The following SNX18 variants were observed in gnomAD, a reference collection of about 807,000 sequenced individuals.
The protein encoded by SNX18 is sorting nexin-18.
SNX18 carries 35 observed loss-of-function variants against 48.7 expected under a neutral mutation model. The ratio of observed to expected loss-of-function variants is 0.72; its 90% CI spans 0.55 to 0.95. The LOEUF (loss-of-function observed/expected upper bound fraction) is 0.95. Among genes scored for constraint, SNX18 ranks in the 40% least tolerant of loss-of-function variants. SNX18 has a pLI of 0.00. For missense variants in SNX18, 824 were observed against 871.0 expected, an observed-to-expected ratio of 0.95 and a Z score of 0.68; for synonymous variants, 492 against 384.7, an observed-to-expected ratio of 1.28 and a Z score of -3.26.
chr5:54,532,124 A>C (rs1762261397), intron 1 of SNX18, among the ~76,000 whole-genome samples: 1 of 151,990 alleles, frequency 6.6e-6, no homozygotes, highest in South Asian at 2.1e-4. Flanking sequence ...GTTTAGATTT[A>C]TTTTAGCAGC....
In SNX18 at chr5:54,519,417, C is replaced by T. The variant is rs781452883; in HGVS notation, c.1465C>T (p.Leu489=). 9 of 1,612,750 alleles carry T rather than the reference C, an allele frequency of 5.6e-6. No individual in the cohort carries two copies. Among genetic ancestry groups the T allele is most frequent in the Non-Finnish European group, 7.6e-6 (9 of 1,179,688 alleles). The change falls in exon 1 of 2, where the codon CTG becomes TTG. Residue 489 remains leucine (L), a synonymous_variant. Coordinates refer to ENST00000381410, the MANE Select transcript of SNX18 (RefSeq NM_001102575.2). ...GGACCAGCAGGCCTTCTCGGTGGGC[C>T]TGAACCAGGCTATCGCCTTCACCGG... is the stretch of plus-strand genomic sequence containing the variant. ...ELDQQAFSVG[L]NQAIAFTGDA... is the part of the protein sequence containing the mutation.
At chr5:54,604,732 C>T in the SNX18 span, among the ~76,000 whole-genome samples, 86 of 151,948 alleles carry the variant, frequency 5.7e-4, no homozygotes, top group Non-Finnish European at 1.1e-3. Flanking sequence ...TTAATGTCAC[C>T]GAATTGTATA....
the SNX18 span, among the ~76,000 whole-genome samples, chr5:54,596,189 G>T: frequency 6.6e-6 from 1 of 152,016 alleles, no homozygotes; most frequent in Non-Finnish European, 1.5e-5. Context: ...AAATATCTGT[G>T]ACAAAGCGGA....
At chr5:54,522,761 A>G (rs1208620095) in intron 1 of SNX18, among the ~76,000 whole-genome samples, 2 of 152,158 alleles carry the variant, frequency 1.3e-5, no homozygotes, top group African/African-American at 4.8e-5. Flanking sequence ...GAGGGTGGAA[A>G]ACTCAAATAC....
the SNX18 span, among the ~76,000 whole-genome samples, chr5:54,598,039 T>A: frequency 6.6e-6 from 1 of 151,780 alleles, no homozygotes; most frequent in Non-Finnish European, 1.5e-5. Context: ...ATAGACACAA[T>A]AAAAAATGAT....
the SNX18 span, among the ~76,000 whole-genome samples, chr5:54,639,493 A>G: frequency 1.3e-5 from 2 of 152,242 alleles, no homozygotes; most frequent in Admixed American, 1.3e-4. Flanking sequence ...AATATTATCT[A>G]ATATTTATTG....
the SNX18 span, among the ~76,000 whole-genome samples, chr5:54,557,545 C>G: frequency 6.6e-6 from 1 of 152,226 alleles, no homozygotes; most frequent in African/African-American, 2.4e-5. Flanking sequence ...TGTTTGATTC[C>G]ACTTATATGA....
At chr5:54,629,466 G>A in the SNX18 span, among the ~76,000 whole-genome samples, 5 of 152,340 alleles carry the variant, frequency 3.3e-5, no homozygotes, top group African/African-American at 7.2e-5. Flanking sequence ...ATGCCTCACT[G>A]TAGAAGCGTT....
At chr5:54,602,586 G>C in the SNX18 span, among the ~76,000 whole-genome samples, 1 of 152,146 alleles carries the variant, frequency 6.6e-6, no homozygotes, top group Admixed American at 6.5e-5. Context: ...GGGGCATAAG[G>C]CAGAAGGAGA....
chr5:54,560,874 G>A, the SNX18 span, among the ~76,000 whole-genome samples: 1 of 152,122 alleles, frequency 6.6e-6, no homozygotes, highest in Admixed American at 6.5e-5. Context: ...AGCCCTACAA[G>A]GAGAGAGAGT....
chr5:54,626,066 TA>T, the SNX18 span, among the ~76,000 whole-genome samples: 1 of 152,214 alleles, frequency 6.6e-6, no homozygotes, highest in Non-Finnish European at 1.5e-5. Flanking sequence ...CATGATCCAA[TA>T]AAAAAGACTT....
At chr5:54,551,715 C>T in the SNX18 span, among the ~76,000 whole-genome samples, 2 of 152,140 alleles carry the variant, frequency 1.3e-5, no homozygotes, top group African/African-American at 2.4e-5. Context: ...TAATTCTTTT[C>T]CAATTTACTT....
At chr5:54,540,211 C>CTTTTT (rs58582682) in intron 1 of SNX18, among the ~76,000 whole-genome samples, 1 of 139,646 alleles carries the variant, frequency 7.2e-6, no homozygotes. Context: ...TAGACTTGTT[C>CTTTTT]TTTTTTTTTT....
the SNX18 span, among the ~76,000 whole-genome samples, chr5:54,557,646 G>C: frequency 6.6e-6 from 1 of 152,150 alleles, no homozygotes; most frequent in Non-Finnish European, 1.5e-5. Flanking sequence ...TTGTTAAAAT[G>C]TTACAGATTT....
chr5:54,595,129 A>G, the SNX18 span, among the ~76,000 whole-genome samples: 1 of 152,222 alleles, frequency 6.6e-6, no homozygotes, highest in African/African-American at 2.4e-5. Context: ...GCTACAATAA[A>G]CATACAAATA....
At chr5:54,531,000 G>A (rs149205769) in intron 1 of SNX18, among the ~76,000 whole-genome samples, 20 of 151,918 alleles carry the variant, frequency 1.3e-4, no homozygotes, top group African/African-American at 4.1e-4. Flanking sequence ...TGATCTACCC[G>A]TCTCGGCCTC....
At chr5:54,568,658 A>G in the SNX18 span, among the ~76,000 whole-genome samples, 1 of 152,138 alleles carries the variant, frequency 6.6e-6, no homozygotes, top group African/African-American at 2.4e-5. Flanking sequence ...AACTCTAAAG[A>G]GACTAGACTC....
At chr5:54,578,368 T>A in the SNX18 span, among the ~76,000 whole-genome samples, 1 of 152,226 alleles carries the variant, frequency 6.6e-6, no homozygotes, top group African/African-American at 2.4e-5. Flanking sequence ...TACCATCTTC[T>A]GTGCTGGAGA....
the SNX18 span, among the ~76,000 whole-genome samples, chr5:54,639,946 G>C: frequency 6.6e-6 from 1 of 152,144 alleles, no homozygotes; most frequent in Non-Finnish European, 1.5e-5. Context: ...AGAATCATCA[G>C]TTCCTGAGGC....
Sources: gnomAD v4.1 joint callset for allele counts (sites outside exome capture counted in the v4.1 genomes callset) on GRCh38, gnomAD v4.1.1 for gene constraint, MANE v1.5 for transcripts, NCBI Gene and HGNC (gene_info 2026-07-23, HGNC 2026-07-21) for gene names.